Variants in ROBO1 observed in about 807,000 individuals in gnomAD.
ROBO1 encodes the protein roundabout guidance receptor 1, also known as roundabout homolog 1.
In ROBO1, 149 loss-of-function variants were observed where a neutral mutation model predicts 195.9. The ratio of observed to expected loss-of-function variants is 0.76; its 90% CI spans 0.67 to 0.87. The LOEUF is 0.87. Ranked by LOEUF, ROBO1 falls within the 40% of genes least tolerant of loss-of-function variation. ROBO1 has a pLI of 0.00. For missense variants in ROBO1, 1,933 were observed against 2,068.3 expected (o/e 0.93, Z 1.27); for synonymous variants, 816 against 733.2 (o/e 1.11, Z -1.82).
chr3:78,728,883 C>A (rs2082223810), intron 5 of ROBO1, among the ~76,000 whole-genome samples: 1 of 152,156 alleles, frequency 6.6e-6, no homozygotes, highest in Non-Finnish European at 1.5e-5. Context: ...GAACATGATC[C>A]CGTTTCATTT....
intron 10 of ROBO1, among the ~76,000 whole-genome samples, chr3:78,675,176 T>C (rs1433682787): frequency 2.7e-5 from 4 of 149,086 alleles, no homozygotes; most frequent in Non-Finnish European, 5.9e-5. Context: ...AAAAAAAAAA[T>C]CAGCTGGCAG....
intron 1 of ROBO1, among the ~76,000 whole-genome samples, chr3:79,664,258 A>G (rs891287752): frequency 2.0e-5 from 3 of 152,040 alleles, no homozygotes; most frequent in African/African-American, 7.2e-5. Flanking sequence ...CAAGGACCTG[A>G]ATAATCTAAA....
At chr3:78,947,952 A>T (rs1312688682) in intron 3 of ROBO1, among the ~76,000 whole-genome samples, 2 of 152,206 alleles carry the variant, frequency 1.3e-5, no homozygotes, top group Non-Finnish European at 2.9e-5. Flanking sequence ...CAACACATAC[A>T]TCCTCCCAAG....
intron 2 of ROBO1, among the ~76,000 whole-genome samples, chr3:79,378,324 T>C (rs1038135755): frequency 2.6e-5 from 4 of 152,074 alleles, no homozygotes; most frequent in African/African-American, 7.2e-5. Flanking sequence ...GCCTCCAGCA[T>C]GGGCCTGTCT....
intron 17 of ROBO1, among the ~76,000 whole-genome samples, chr3:78,658,056 A>G (rs1194164289): frequency 3.3e-5 from 5 of 152,228 alleles, no homozygotes; most frequent in Admixed American, 2.6e-4. Flanking sequence ...TGAAAAAAGC[A>G]TTCTTCTAAT....
chr3:79,211,099 A>G (rs1454849453), intron 2 of ROBO1, among the ~76,000 whole-genome samples: 1 of 152,178 alleles, frequency 6.6e-6, no homozygotes, highest in Non-Finnish European at 1.5e-5. Context: ...ATGTTCTGCT[A>G]CGGGAGGTTG....
intron 2 of ROBO1, among the ~76,000 whole-genome samples, chr3:79,284,988 T>C (rs920318054): frequency 6.6e-6 from 1 of 152,202 alleles, no homozygotes; most frequent in South Asian, 2.1e-4. Context: ...CAGGTTATTC[T>C]GGGTTTTTAA....
chr3:79,550,741 T>A (rs1250701870), intron 2 of ROBO1, among the ~76,000 whole-genome samples: 2 of 152,158 alleles, frequency 1.3e-5, no homozygotes, highest in African/African-American at 4.8e-5. Context: ...GTGGGACACA[T>A]AAGAAGATCC....
At chr3:79,724,332 T>C (rs1231283327) in intron 1 of ROBO1, among the ~76,000 whole-genome samples, 1 of 152,214 alleles carries the variant, frequency 6.6e-6, no homozygotes, top group African/African-American at 2.4e-5. Context: ...GATTAGGTCT[T>C]CGTGTTTCTA....
chr3:78,797,683 A>C (rs2108556927), intron 4 of ROBO1, among the ~76,000 whole-genome samples: 1 of 152,258 alleles, frequency 6.6e-6, no homozygotes, highest in African/African-American at 2.4e-5. Flanking sequence ...TGACAACAGT[A>C]ATTAAGTAAT....
chr3:79,013,982 T>C (rs2077854786), intron 3 of ROBO1, among the ~76,000 whole-genome samples: 1 of 152,192 alleles, frequency 6.6e-6, no homozygotes, highest in African/African-American at 2.4e-5. Flanking sequence ...GTATCAGTCT[T>C]CTATATACAT....
intron 3 of ROBO1, among the ~76,000 whole-genome samples, chr3:79,035,173 A>G (rs2078361314): frequency 6.6e-6 from 1 of 152,062 alleles, no homozygotes; most frequent in South Asian, 2.1e-4. Context: ...TGAAAAATAT[A>G]AAATGAGTAT....
chr3:79,025,109 T>C (rs2078178689), intron 3 of ROBO1, among the ~76,000 whole-genome samples: 1 of 152,148 alleles, frequency 6.6e-6, no homozygotes. Flanking sequence ...TCTCACTTTG[T>C]TCTATCACAA....
intron 3 of ROBO1, among the ~76,000 whole-genome samples, chr3:79,024,435 G>A (rs188483066): frequency 2.6e-4 from 40 of 152,288 alleles, no homozygotes; most frequent in Middle Eastern, 3.4e-3. Context: ...GTGAAGTGAG[G>A]TGATGTTATT....
intron 4 of ROBO1, among the ~76,000 whole-genome samples, chr3:78,906,498 T>A (rs113809663): frequency 0.011 from 1,636 of 152,266 alleles, 38 homozygotes; most frequent in African/African-American, 0.035. Flanking sequence ...ATGTGAAAAC[T>A]GAAGGGATCC....
intron 4 of ROBO1, among the ~76,000 whole-genome samples, chr3:78,795,651 G>A (rs2084164773): frequency 6.6e-6 from 1 of 152,106 alleles, no homozygotes; most frequent in African/African-American, 2.4e-5. Context: ...TAACACAGAA[G>A]TACAATCCTG....
chr3:79,745,190 G>A (rs777610870), intron 1 of ROBO1, among the ~76,000 whole-genome samples: 5 of 152,078 alleles, frequency 3.3e-5, no homozygotes, highest in Non-Finnish European at 7.4e-5. Context: ...GTCCTTGGTT[G>A]TCCCTGCTCT....
intron 1 of ROBO1, among the ~76,000 whole-genome samples, chr3:79,599,804 T>C (rs1944286366): frequency 6.6e-6 from 1 of 152,002 alleles, no homozygotes; most frequent in Non-Finnish European, 1.5e-5. Context: ...TTAAAAAATA[T>C]TGCATTCCTA....
At chr3:78,786,236 A>G (rs2083830470) in intron 4 of ROBO1, among the ~76,000 whole-genome samples, 1 of 152,196 alleles carries the variant, frequency 6.6e-6, no homozygotes, top group South Asian at 2.1e-4. Flanking sequence ...GTGTCTTAAA[A>G]AAGTGACTTC....
Sources: gnomAD v4.1 joint callset for allele counts (sites outside exome capture counted in the v4.1 genomes callset) on GRCh38, gnomAD v4.1.1 for gene constraint, MANE v1.5 for transcripts, NCBI Gene and HGNC (gene_info 2026-07-23, HGNC 2026-07-21) for gene names.